Variants in ZNRF1 observed in about 807,000 individuals in gnomAD.
ZNRF1 encodes E3 ubiquitin-protein ligase ZNRF1.
ZNRF1 carries 3 observed loss-of-function variants against 18.4 expected under a neutral mutation model. That is an observed-to-expected ratio of 0.16 (90% confidence interval 0.07 to 0.42). The LOEUF (loss-of-function observed/expected upper bound fraction) is 0.42. Among genes scored for constraint, ZNRF1 ranks in the 10% least tolerant of loss-of-function variants. ZNRF1 has a pLI of 0.99. For missense variants in ZNRF1, 310 were observed against 329.8 expected (o/e 0.94, Z 0.47); for synonymous variants, 157 against 144.2 (o/e 1.09, Z -0.64).
Position 75,110,653 on chromosome 16 carries a change from T to A in ZNRF1, c.*2953T>A, listed in dbSNP as rs1309525043. The A allele has an allele frequency of 6.6e-6, 1 of 152,276 alleles. No individual in the cohort carries two copies. Among genetic ancestry groups the A allele is most frequent in the Non-Finnish European group, 1.5e-5 (1 of 68,052 alleles). 9.4% of individuals were successfully genotyped at this position (152,276 alleles called of 1,614,324 possible). On this transcript the variant is annotated 3_prime_UTR_variant, in exon 5 of 5. Transcript: ENST00000335325. Reference sequence around the variant, plus strand: ...GGTATTTCAGTGAACAGTGTACTTGTTCTTTCAACTTTTCTGTATGTTTGG... The same window carrying A: ...GGTATTTCAGTGAACAGTGTACTTGATCTTTCAACTTTTCTGTATGTTTGG...
chr16:75,057,225 G>A (rs2035680359), intron 1 of ZNRF1, among the ~76,000 whole-genome samples: 1 of 152,162 alleles, frequency 6.6e-6, no homozygotes, highest in South Asian at 2.1e-4. Context: ...TGTAGTTCAC[G>A]TGCTTGTTTG....
intron 2 of ZNRF1, chr16:75,095,469 C>A: frequency 2.0e-6 from 2 of 980,746 alleles, no homozygotes; most frequent in Non-Finnish European, 2.8e-6. Flanking sequence ...CTGCGTCTCA[C>A]AGCCCTCCCT....
chr16:75,049,360 C>T (rs1236527208), intron 1 of ZNRF1, among the ~76,000 whole-genome samples: 2 of 151,984 alleles, frequency 1.3e-5, no homozygotes, highest in Non-Finnish European at 2.9e-5. Context: ...CCAGGTCTCG[C>T]TCTGTTGCCC....
intron 1 of ZNRF1, among the ~76,000 whole-genome samples, chr16:75,085,815 A>AGAGAGAGAGAGAGAGTGAGT (rs889805907): frequency 6.8e-6 from 1 of 146,728 alleles, no homozygotes; most frequent in Non-Finnish European, 1.5e-5. Flanking sequence ...AGAGAGAGAG[A>AGAGAGAGAGAGAGAGTGAGT]GAGTGAGTGT....
intron 1 of ZNRF1, among the ~76,000 whole-genome samples, chr16:75,080,738 G>A (rs542528754): frequency 1.1e-3 from 163 of 152,276 alleles, no homozygotes; most frequent in Non-Finnish European, 2.1e-3. Context: ...GGGCATGGTG[G>A]CGCACTGGCC....
intron 2 of ZNRF1, among the ~76,000 whole-genome samples, chr16:75,094,610 T>TTATG (rs1162148068): frequency 5.7e-4 from 87 of 152,264 alleles, no homozygotes; most frequent in African/African-American, 2.1e-3. Context: ...ATAAAGGCCT[T>TTATG]TGGTACAGAG....
chr16:75,095,674 G>A (rs1028225592), intron 2 of ZNRF1: 24 of 1,549,834 alleles, frequency 1.5e-5, no homozygotes, highest in Non-Finnish European at 1.9e-5. Context: ...AAGAGCAGCC[G>A]TGGAGGACAG....
intron 2 of ZNRF1, among the ~76,000 whole-genome samples, chr16:75,103,704 G>A (rs780623326): frequency 6.6e-6 from 1 of 152,090 alleles, no homozygotes; most frequent in Non-Finnish European, 1.5e-5. Context: ...GGGAAAAAAC[G>A]GGTCAGGCGT....
At chr16:75,004,049 C>A (rs1244080329) in intron 1 of ZNRF1, among the ~76,000 whole-genome samples, 1 of 151,762 alleles carries the variant, frequency 6.6e-6, no homozygotes, top group Non-Finnish European at 1.5e-5. Flanking sequence ...CAGTCTCAGA[C>A]TCCTGGGCTC....
intron 1 of ZNRF1, among the ~76,000 whole-genome samples, chr16:75,073,730 G>A (rs765290733): frequency 1.4e-4 from 22 of 151,946 alleles, no homozygotes; most frequent in Non-Finnish European, 2.9e-4. Context: ...CATGCTCTGC[G>A]GGGACCTTGC....
chr16:75,004,403 A>C (rs893760375), intron 1 of ZNRF1, among the ~76,000 whole-genome samples: 1 of 152,076 alleles, frequency 6.6e-6, no homozygotes, highest in African/African-American at 2.4e-5. Context: ...GGATTTCTAA[A>C]TGTGGGGTAC....
intron 1 of ZNRF1, among the ~76,000 whole-genome samples, chr16:75,059,217 C>T (rs2035707829): frequency 7.0e-6 from 1 of 143,706 alleles, no homozygotes; most frequent in African/African-American, 2.6e-5. Flanking sequence ...TTCCTTCTTT[C>T]CTTCTTTCTT....
intron 1 of ZNRF1, among the ~76,000 whole-genome samples, chr16:75,088,096 G>T (rs1230739321): frequency 1.3e-5 from 2 of 152,218 alleles, no homozygotes; most frequent in Non-Finnish European, 2.9e-5. Flanking sequence ...TTTTAATTTG[G>T]TGTGAGCTTT....
At chr16:75,096,731 C>G (rs1030310206) in intron 2 of ZNRF1, among the ~76,000 whole-genome samples, 4 of 152,032 alleles carry the variant, frequency 2.6e-5, no homozygotes, top group African/African-American at 9.7e-5. Flanking sequence ...TTTAGTTAAC[C>G]ACTAAAGGAA....
At chr16:75,020,003 G>A (rs561868168) in intron 1 of ZNRF1, among the ~76,000 whole-genome samples, 3 of 152,290 alleles carry the variant, frequency 2.0e-5, no homozygotes, top group African/African-American at 4.8e-5. Flanking sequence ...GAGCCACCGC[G>A]CCCAGCCAGG....
chr16:75,107,548 A>G, intron 4 of ZNRF1, 185 bp from the exon 5 acceptor site: 4 of 349,706 alleles, frequency 1.1e-5, no homozygotes, highest in South Asian at 6.2e-5. Context: ...GCCAGGGGGG[A>G]GAGTGAGGCA....
At chr16:75,080,341 A>C (rs2035994762) in intron 1 of ZNRF1, among the ~76,000 whole-genome samples, 1 of 152,210 alleles carries the variant, frequency 6.6e-6, no homozygotes, top group African/African-American at 2.4e-5. Flanking sequence ...GTTGGCATCA[A>C]CTGATGTAAG....
At chr16:75,060,114 C>A (rs1714810564) in intron 1 of ZNRF1, among the ~76,000 whole-genome samples, 1 of 151,750 alleles carries the variant, frequency 6.6e-6, no homozygotes, top group South Asian at 2.1e-4. Context: ...AGTGCAGTGA[C>A]ACGATCTCGG....
At chr16:75,008,535 G>A (rs1015146579) in intron 1 of ZNRF1, among the ~76,000 whole-genome samples, 1 of 152,138 alleles carries the variant, frequency 6.6e-6, no homozygotes, top group African/African-American at 2.4e-5. Flanking sequence ...CTTTAAAGAG[G>A]TTGGAAGACC....
Sources: allele counts gnomAD v4.1 joint callset (sites outside exome capture counted in the v4.1 genomes callset), GRCh38; gene constraint gnomAD v4.1.1; transcripts MANE v1.5; gene names NCBI Gene and HGNC (gene_info 2026-07-23, HGNC 2026-07-21).